The following SPMIP10 variants were observed in gnomAD, a reference collection of about 807,000 sequenced individuals.
The protein encoded by SPMIP10 is sperm-associated microtubule inner protein 10.
the SPMIP10 span, chr5:126,631,755 T>G: frequency 1.9e-6 from 3 of 1,611,906 alleles, no homozygotes; most frequent in Non-Finnish European, 2.5e-6. Context: ...GGAAAGATAC[T>G]TGTCCTACTT....
chr5:126,636,187 C>G, the SPMIP10 span: 22 of 1,614,052 alleles, frequency 1.4e-5, no homozygotes, highest in South Asian at 1.3e-4. Context: ...ATTCGCCTCT[C>G]TCCAGATACC....
the SPMIP10 span, chr5:126,632,511 C>A: frequency 8.4e-7 from 1 of 1,186,270 alleles, no homozygotes; most frequent in Non-Finnish European, 1.3e-6. Flanking sequence ...TTGTATTTGG[C>A]TCACAAGATG....
At chr5:126,631,800 T>A in the SPMIP10 span, 2 of 1,608,782 alleles carry the variant, frequency 1.2e-6, no homozygotes, top group Non-Finnish European at 1.7e-6. Context: ...CTGATGAGAG[T>A]CTCTATAAAT....
At chr5:126,636,147 C>T in the SPMIP10 span, 1 of 1,614,102 alleles carries the variant, frequency 6.2e-7, no homozygotes, top group South Asian at 1.1e-5. Flanking sequence ...AAAGGCCCAC[C>T]AGAAATAAAA....
At chr5:126,632,808 G>A in the SPMIP10 span, among the ~76,000 whole-genome samples, 45 of 151,798 alleles carry the variant, frequency 3.0e-4, no homozygotes, top group Admixed American at 3.3e-4. Flanking sequence ...GCCAACTGGC[G>A]GAACCCCATC....
At chr5:126,632,605 A>T in the SPMIP10 span, 2 of 1,612,452 alleles carry the variant, frequency 1.2e-6, no homozygotes, top group African/African-American at 1.3e-5. Context: ...CCAAGACGTT[A>T]TGTCATGCCT....
the SPMIP10 span, among the ~76,000 whole-genome samples, chr5:126,634,532 A>G: frequency 6.6e-6 from 1 of 152,222 alleles, no homozygotes; most frequent in Non-Finnish European, 1.5e-5. Context: ...TGCCCTAAGT[A>G]GCTTCAGCAT....
At chr5:126,632,386 C>A in the SPMIP10 span, 1 of 482,884 alleles carries the variant, frequency 2.1e-6, no homozygotes, top group Non-Finnish European at 3.8e-6. Flanking sequence ...TACATGGGTA[C>A]TTAAATGGTT....
chr5:126,635,163 G>A, the SPMIP10 span, among the ~76,000 whole-genome samples: 4,054 of 122,822 alleles, frequency 0.033, 154 homozygotes, highest in African/African-American at 0.12. Flanking sequence ...CTGAGGCCCC[G>A]TCTGTGAAAT....
the SPMIP10 span, among the ~76,000 whole-genome samples, chr5:126,635,318 TATTTATTCA>T: frequency 9.9e-5 from 15 of 152,142 alleles, no homozygotes; most frequent in Non-Finnish European, 1.9e-4. Context: ...AGTTGTTATT[TATTTATTCA>T]ACAGTCATAA....
At chr5:126,636,055 T>C in the SPMIP10 span, 2 of 1,613,980 alleles carry the variant, frequency 1.2e-6, no homozygotes, top group Non-Finnish European at 1.7e-6. Context: ...GTGGGATCCA[T>C]ACTGGCCCTT....
chr5:126,632,123 G>T, the SPMIP10 span, among the ~76,000 whole-genome samples: 1 of 151,658 alleles, frequency 6.6e-6, no homozygotes, highest in Admixed American at 6.6e-5. Flanking sequence ...AATGGGCAGG[G>T]TGCAGTGGCT....
the SPMIP10 span, among the ~76,000 whole-genome samples, chr5:126,635,645 C>A: frequency 6.6e-6 from 1 of 152,096 alleles, no homozygotes; most frequent in Non-Finnish European, 1.5e-5. Flanking sequence ...GCTTCCTTCT[C>A]AACAAGGATA....
chr5:126,636,223 C>CA, the SPMIP10 span: 1 of 1,613,678 alleles, frequency 6.2e-7, no homozygotes, highest in South Asian at 1.1e-5. Context: ...CCCATGGCTT[C>CA]AGGAGGCGAC....
chr5:126,635,817 G>T, the SPMIP10 span, among the ~76,000 whole-genome samples: 2 of 150,144 alleles, frequency 1.3e-5, no homozygotes, highest in African/African-American at 5.0e-5. Context: ...CGCGTGCCAC[G>T]ACACCCACCT....
At chr5:126,632,350 AC>A in the SPMIP10 span, among the ~76,000 whole-genome samples, 1 of 151,344 alleles carries the variant, frequency 6.6e-6, no homozygotes, top group East Asian at 1.9e-4. Flanking sequence ...AATTACAGAT[AC>A]CTGGCCCTGA....
At chr5:126,633,422 G>A in the SPMIP10 span, among the ~76,000 whole-genome samples, 178 of 152,044 alleles carry the variant, frequency 1.2e-3, no homozygotes, top group African/African-American at 4.1e-3. Flanking sequence ...GTGCAGTGGC[G>A]TGATCACAGC....
At chr5:126,631,859 G>C in the SPMIP10 span, 2 of 1,334,504 alleles carry the variant, frequency 1.5e-6, no homozygotes, top group Non-Finnish European at 2.1e-6. Flanking sequence ...TTGTTTGCTT[G>C]TTTTGCAACC....
the SPMIP10 span, among the ~76,000 whole-genome samples, chr5:126,634,463 C>G: frequency 6.6e-6 from 1 of 152,162 alleles, no homozygotes; most frequent in South Asian, 2.1e-4. Flanking sequence ...AGACTTACTA[C>G]AGTCTTAATA....
Sources: allele counts gnomAD v4.1 joint callset (sites outside exome capture counted in the v4.1 genomes callset), GRCh38; gene constraint gnomAD v4.1.1; transcripts MANE v1.5; gene names NCBI Gene and HGNC (gene_info 2026-07-23, HGNC 2026-07-21).